Variants in ZNRF1 observed in about 807,000 individuals in gnomAD.
ZNRF1 encodes the protein zinc and ring finger 1.
A neutral mutation model predicts 18.4 loss-of-function variants in ZNRF1; 3 were observed. The observed-to-expected ratio is 0.16, with a 90% CI of 0.07 to 0.42. The LOEUF is 0.42. Among genes scored for constraint, ZNRF1 ranks in the 10% least tolerant of loss-of-function variants. The probability of loss-of-function intolerance (pLI) is 0.99; values close to 1 mark genes in which losing one functional copy is unlikely to be tolerated. For missense variants in ZNRF1, 310 were observed against 329.8 expected (o/e 0.94, Z 0.47); for synonymous variants, 157 against 144.2 (o/e 1.09, Z -0.64).
intron 1 of ZNRF1, among the ~76,000 whole-genome samples, chr16:75,062,435 T>C (rs1597888669): frequency 6.6e-6 from 1 of 152,326 alleles, no homozygotes; most frequent in East Asian, 1.9e-4. Flanking sequence ...AATGAATTCT[T>C]TATCGGAAAG....
At chr16:75,062,477 G>A (rs1039672759) in intron 1 of ZNRF1, among the ~76,000 whole-genome samples, 1 of 152,254 alleles carries the variant, frequency 6.6e-6, no homozygotes, top group African/African-American at 2.4e-5. Context: ...CAAAGAGAGT[G>A]CAAATATGGA....
At chr16:75,102,916 C>A (rs2036269987) in intron 2 of ZNRF1, among the ~76,000 whole-genome samples, 1 of 152,248 alleles carries the variant, frequency 6.6e-6, no homozygotes, top group Non-Finnish European at 1.5e-5. Flanking sequence ...CGGCCCCAGA[C>A]ACCACAGCAG....
intron 1 of ZNRF1, among the ~76,000 whole-genome samples, chr16:75,025,407 A>G (rs2035208195): frequency 6.6e-6 from 1 of 151,958 alleles, no homozygotes; most frequent in African/African-American, 2.4e-5. Flanking sequence ...ATTTCTGGAA[A>G]CTTGTACCTG....
chr16:75,045,555 A>G (rs1440560809), intron 1 of ZNRF1, among the ~76,000 whole-genome samples: 1 of 43,848 alleles, frequency 2.3e-5, no homozygotes, highest in African/African-American at 8.3e-5. Context: ...ATAGTAATAG[A>G]CTTGTTTGTT....
At chr16:75,078,906 G>A (rs2035975818) in intron 1 of ZNRF1, among the ~76,000 whole-genome samples, 1 of 152,136 alleles carries the variant, frequency 6.6e-6, no homozygotes, top group African/African-American at 2.4e-5. Flanking sequence ...ATCCTTAGGA[G>A]ATCCTTAACT....
intron 2 of ZNRF1, among the ~76,000 whole-genome samples, chr16:75,094,753 C>A (rs1179708387): frequency 1.3e-5 from 2 of 152,146 alleles, no homozygotes; most frequent in Non-Finnish European, 2.9e-5. Flanking sequence ...CACTGCTGAC[C>A]CTCGATTTTC....
intron 1 of ZNRF1, among the ~76,000 whole-genome samples, chr16:75,027,196 A>G (rs577566031): frequency 6.6e-6 from 1 of 151,796 alleles, no homozygotes; most frequent in Admixed American, 6.6e-5. Flanking sequence ...GCATGAGCCC[A>G]GGAGGTCAAG....
At chr16:75,064,385 A>G (rs1049064144) in intron 1 of ZNRF1, among the ~76,000 whole-genome samples, 14 of 151,826 alleles carry the variant, frequency 9.2e-5, no homozygotes, top group African/African-American at 2.9e-4. Context: ...GTGAAACACT[A>G]TCTCTACTAA....
chr16:75,059,448 A>G lies in ZNRF1; in HGVS notation c.425-34124A>G, dbSNP rs917668477. Among the ~76,000 whole-genome samples, 5 of 151,790 alleles carry G rather than the reference A, an allele frequency of 3.3e-5. No individual in the cohort carries two copies. The South Asian group carries it at 6.2e-4, about 19-fold the overall frequency. Reference sequence around the variant, plus strand: ...TTTTTTGTAGAGACAGGGTTTCACCATGTTAGCCAGGCTGGATATCTTGGA... The same window carrying G: ...TTTTTTGTAGAGACAGGGTTTCACCGTGTTAGCCAGGCTGGATATCTTGGA... On this transcript the variant is annotated intron_variant, in intron 1 of 4. Coordinates refer to ENST00000335325, the MANE Select transcript of ZNRF1 (RefSeq NM_032268.5).
intron 2 of ZNRF1, 59 bp from the exon 3 acceptor site, chr16:75,104,725 C>T: frequency 1.4e-6 from 2 of 1,478,238 alleles, no homozygotes; most frequent in Non-Finnish European, 1.8e-6. Flanking sequence ...CTTGCTTGCC[C>T]CATGCCACCT....
intron 1 of ZNRF1, among the ~76,000 whole-genome samples, chr16:75,092,850 G>A (rs1394074922): frequency 6.6e-6 from 1 of 152,170 alleles, no homozygotes. Context: ...CTCCCAGGGT[G>A]ATCCAACCAA....
intron 2 of ZNRF1, among the ~76,000 whole-genome samples, chr16:75,102,282 T>C (rs1656618852): frequency 6.6e-6 from 1 of 152,202 alleles, no homozygotes; most frequent in South Asian, 2.1e-4. Flanking sequence ...AGGGTCCCAG[T>C]CCCAGCCCCA....
chr16:75,039,623 A>T (rs1162850697), intron 1 of ZNRF1, among the ~76,000 whole-genome samples: 1 of 152,132 alleles, frequency 6.6e-6, no homozygotes, highest in East Asian at 1.9e-4. Flanking sequence ...CTCTGGTGAG[A>T]CTTTGAAATC....
chr16:75,041,242 C>G (rs2035443544), intron 1 of ZNRF1, among the ~76,000 whole-genome samples: 1 of 152,206 alleles, frequency 6.6e-6, no homozygotes, highest in South Asian at 2.1e-4. Context: ...TTGCCACATC[C>G]TTGCCAACAC....
At chr16:75,104,929 C>T in intron 3 of ZNRF1, 40 bp downstream of exon 3, 1 of 1,485,470 alleles carries the variant, frequency 6.7e-7, no homozygotes, top group Non-Finnish European at 9.2e-7. Flanking sequence ...CACCCCACCT[C>T]CCAGAGGGGC....
intron 1 of ZNRF1, among the ~76,000 whole-genome samples, chr16:75,049,004 TC>T (rs2035553554): frequency 6.6e-6 from 1 of 151,530 alleles, no homozygotes; most frequent in Admixed American, 6.6e-5. Context: ...GAATTTGGAA[TC>T]CCTTTTTTTT....
chr16:75,050,259 C>G (rs2035576122), intron 1 of ZNRF1, among the ~76,000 whole-genome samples: 1 of 152,156 alleles, frequency 6.6e-6, no homozygotes, highest in Admixed American at 6.6e-5. Context: ...GATGCAGTGG[C>G]TCACTCCTGT....
intron 1 of ZNRF1, among the ~76,000 whole-genome samples, chr16:75,053,521 G>A (rs925807594): frequency 4.7e-5 from 7 of 148,454 alleles, no homozygotes; most frequent in East Asian, 2.0e-4. Context: ...CCTGGGAGGC[G>A]GAGGTTGCGG....
intron 1 of ZNRF1, among the ~76,000 whole-genome samples, chr16:75,069,975 A>T (rs187645584): frequency 6.6e-6 from 1 of 152,306 alleles, no homozygotes; most frequent in East Asian, 1.9e-4. Context: ...GAGTATCATT[A>T]ACTTCTACAC....
Sources: allele counts gnomAD v4.1 joint callset (sites outside exome capture counted in the v4.1 genomes callset), GRCh38; gene constraint gnomAD v4.1.1; transcripts MANE v1.5; gene names NCBI Gene and HGNC (gene_info 2026-07-23, HGNC 2026-07-21).